PLEKHA5: variants seen among roughly 807,000 people sequenced by gnomAD.
PLEKHA5 encodes pleckstrin homology domain-containing family A member 5.
PLEKHA5 carries 55 observed loss-of-function variants against 181.9 expected under a neutral mutation model. That is an observed-to-expected ratio of 0.30 (90% CI 0.24 to 0.38). The LOEUF (loss-of-function observed/expected upper bound fraction) is 0.38. Ranked by LOEUF, PLEKHA5 falls within the 10% of genes least tolerant of loss-of-function variation. The pLI is 1.00. For synonymous variants in PLEKHA5, 535 were observed against 529.4 expected (o/e 1.01, Z -0.15); for missense variants, 1,432 against 1,549.5 (o/e 0.92, Z 1.27).
At chr12:19,175,156 A>G (rs1449934207) in intron 3 of PLEKHA5, among the ~76,000 whole-genome samples, 1 of 152,238 alleles carries the variant, frequency 6.6e-6, no homozygotes, top group African/African-American at 2.4e-5. Flanking sequence ...ATGTTAGTGA[A>G]GGCAGAGGGA....
chr12:19,316,296 T>C (rs1390687764), intron 16 of PLEKHA5, among the ~76,000 whole-genome samples: 1 of 152,052 alleles, frequency 6.6e-6, no homozygotes, highest in African/African-American at 2.4e-5. Context: ...TTTGGTTTGG[T>C]TGGGTTTTTT....
chr12:19,341,065 G>A (rs371536973), intron 21 of PLEKHA5, among the ~76,000 whole-genome samples: 5 of 152,128 alleles, frequency 3.3e-5, no homozygotes, highest in African/African-American at 1.2e-4. Context: ...TGAGGGTCAG[G>A]AGTTCAAGAC....
intron 28 of PLEKHA5, among the ~76,000 whole-genome samples, chr12:19,360,321 A>T (rs7138042): frequency 0.02 from 3,100 of 151,886 alleles, 54 homozygotes; most frequent in East Asian, 0.055. Context: ...AAACAAAAAA[A>T]ACGTGGCGGG....
chr12:19,197,500 G>A (rs532291149), intron 3 of PLEKHA5, among the ~76,000 whole-genome samples: 1 of 152,034 alleles, frequency 6.6e-6, no homozygotes, highest in Non-Finnish European at 1.5e-5. Context: ...GCCACACTCT[G>A]CTTTTTCTTT....
At chr12:19,276,897 T>C (rs1373850684) in intron 11 of PLEKHA5, among the ~76,000 whole-genome samples, 1 of 152,232 alleles carries the variant, frequency 6.6e-6, no homozygotes, top group African/African-American at 2.4e-5. Context: ...TTTGTCAATT[T>C]TCTTTAAAAA....
At chr12:19,233,404 C>G (rs1451082401) in intron 3 of PLEKHA5, among the ~76,000 whole-genome samples, 1 of 152,082 alleles carries the variant, frequency 6.6e-6, no homozygotes, top group East Asian at 1.9e-4. Context: ...TGCATCATGT[C>G]GTACAGCACT....
rs573055673 is a variant in PLEKHA5 at position 19,260,054 on chromosome 12, T to C, written c.538-895T>C. On this transcript the variant is annotated intron_variant, in intron 6 of 31. Coordinates refer to ENST00000429027, the MANE Select transcript of PLEKHA5 (RefSeq NM_001256470.2). ...GGGAAAGTAATTTTTATTAAAATTCTAATTTTGTTTGAGCCTGATATTTTA... is the reference window on the plus strand; with the variant it reads ...GGGAAAGTAATTTTTATTAAAATTCCAATTTTGTTTGAGCCTGATATTTTA... 3.9e-5 allele frequency among the ~76,000 whole-genome samples: 6 copies of C among 152,294 alleles called. No homozygotes were observed. The South Asian group carries it at 1.2e-3, about 32-fold the overall frequency.
At chr12:19,349,048 G>A (rs1335784091) in intron 25 of PLEKHA5, among the ~76,000 whole-genome samples, 1 of 151,720 alleles carries the variant, frequency 6.6e-6, no homozygotes, top group African/African-American at 2.4e-5. Flanking sequence ...CATTTCCTGG[G>A]AGAGTTTTCT....
chr12:19,367,755 AT>A (rs34285066), intron 30 of PLEKHA5, among the ~76,000 whole-genome samples: 1,997 of 131,420 alleles, frequency 0.015, 35 homozygotes, highest in African/African-American at 0.043. Context: ...AATTTTTTGT[AT>A]TTTTTTTTTT....
intron 3 of PLEKHA5, among the ~76,000 whole-genome samples, chr12:19,240,845 T>C (rs2062428756): frequency 6.6e-6 from 1 of 152,152 alleles, no homozygotes; most frequent in South Asian, 2.1e-4. Context: ...TGCCCAGTTT[T>C]ATTTTGAAAG....
intron 3 of PLEKHA5, among the ~76,000 whole-genome samples, chr12:19,226,703 A>G (rs2059743812): frequency 6.6e-6 from 1 of 152,178 alleles, no homozygotes; most frequent in African/African-American, 2.4e-5. Context: ...GTCCATTTTT[A>G]AAGTTTGTGT....
rs190833692 is a variant in PLEKHA5 at position 19,182,550 on chromosome 12, A to G, written c.227+50100A>G. 2.1e-3 allele frequency among the ~76,000 whole-genome samples: 317 copies of G among 152,278 alleles called. 3 individuals are homozygous for G. The highest frequency in any genetic ancestry group is 7.4e-3 in the African/African-American group (308 of 41,564). On this transcript the variant is annotated intron_variant, in intron 3 of 31. Transcript: ENST00000429027. ...GTTGAAATGTACTTTTAATTTGAGT[A>G]CTCTAACAATAGCAAGACGAAGTAG...
chr12:19,155,619 A>G (rs941045416), intron 3 of PLEKHA5, among the ~76,000 whole-genome samples: 3 of 152,234 alleles, frequency 2.0e-5, no homozygotes, highest in Non-Finnish European at 4.4e-5. Context: ...AGTGTTAACC[A>G]TAGTCTTGGA....
chr12:19,258,547 T>C (rs2067451376), intron 6 of PLEKHA5, among the ~76,000 whole-genome samples: 1 of 139,230 alleles, frequency 7.2e-6, no homozygotes, highest in Admixed American at 7.7e-5. Context: ...TTAGTTTCTT[T>C]TTTTTTTCTT....
chr12:19,369,883 G>A (rs2095533009), intron 31 of PLEKHA5, 85 bp downstream of exon 31: 1 of 754,694 alleles, frequency 1.3e-6, no homozygotes, highest in East Asian at 2.7e-5. Context: ...TCAAAACTGG[G>A]ATTAGTTCTG....
chr12:19,257,671 T>A, intron 6 of PLEKHA5, 134 bp downstream of exon 6: 1 of 605,114 alleles, frequency 1.7e-6, no homozygotes, highest in Non-Finnish European at 2.9e-6. Context: ...GTTATTTGAC[T>A]GCTTGTTACC....
intron 3 of PLEKHA5, among the ~76,000 whole-genome samples, chr12:19,181,693 T>C (rs2048628507): frequency 6.6e-6 from 1 of 152,130 alleles, no homozygotes; most frequent in African/African-American, 2.4e-5. Flanking sequence ...CGAGAAGTGC[T>C]TGAACCTGGG....
At chr12:19,302,024 T>C (rs558176526) in intron 15 of PLEKHA5, among the ~76,000 whole-genome samples, 3 of 152,330 alleles carry the variant, frequency 2.0e-5, no homozygotes, top group Non-Finnish European at 4.4e-5. Context: ...TCAAATTCTT[T>C]AGCTTTTTAG....
At chr12:19,158,772 C>T (rs1379144895) in intron 3 of PLEKHA5, among the ~76,000 whole-genome samples, 1 of 152,100 alleles carries the variant, frequency 6.6e-6, no homozygotes, top group African/African-American at 2.4e-5. Flanking sequence ...GATCCAGTGG[C>T]ATAAGCTGAC....
Sources: gnomAD v4.1 joint callset for allele counts (sites outside exome capture counted in the v4.1 genomes callset) on GRCh38, gnomAD v4.1.1 for gene constraint, MANE v1.5 for transcripts, NCBI Gene and HGNC (gene_info 2026-07-23, HGNC 2026-07-21) for gene names.